LONP1: variants seen among roughly 807,000 people sequenced by gnomAD.
The protein encoded by LONP1 is lon protease homolog, mitochondrial.
Under a neutral mutation model 98.5 loss-of-function variants are expected in LONP1, and 31 were observed. The ratio of observed to expected loss-of-function variants is 0.31; its 90% confidence interval spans 0.24 to 0.42. The LOEUF is 0.42. LONP1 is among the 20% of genes least tolerant of loss of function. LONP1 has a pLI of 1.00. For missense variants in LONP1, 1,336 were observed against 1,350.6 expected (o/e 0.99, Z 0.17); for synonymous variants, 781 against 594.7 (o/e 1.31, Z -4.56).
chr19:5,693,203 C>A, intron 17 of LONP1, 95 bp downstream of exon 17: 4 of 1,473,642 alleles, frequency 2.7e-6, no homozygotes, highest in Non-Finnish European at 3.7e-6. Flanking sequence ...CTTCCCTCTC[C>A]TTGGCCCAGG....
At chr19:5,714,998 C>G (rs2055293070) in intron 1 of LONP1, 1 of 142,706 alleles carries the variant, frequency 7.0e-6, no homozygotes, top group South Asian at 2.2e-4. Flanking sequence ...TGGGGACATG[C>G]TGATCCGCAT....
Position 5,694,479 on chromosome 19 carries a change from T to C in LONP1, c.2228A>G (p.Gln743Arg). 1.9e-6 allele frequency: 3 copies of C among 1,613,418 alleles called. No homozygotes were observed. Among genetic ancestry groups the C allele is most frequent in the South Asian group, 2.2e-5 (2 of 91,080 alleles). ...ESVEVTPENL[Q>R]DFVGKPVFTV... ...GAACACGGGCTTCCCCACGAAGTCC[T>C]GCAGGTTCTCGGGCGTCACCTCCAC... The change falls in exon 15 of 18, where the codon CAG (glutamine) becomes CGG (arginine). Residue 743 changes from glutamine (Q) to arginine (R), a missense_variant. By Grantham distance (43) the Gln-to-Arg change is conservative. Coordinates refer to ENST00000360614, the MANE Select transcript of LONP1 (RefSeq NM_004793.4).
intron 1 of LONP1, chr19:5,717,532 C>T (rs1281118569): frequency 6.6e-6 from 1 of 152,320 alleles, no homozygotes; most frequent in African/African-American, 2.4e-5. Context: ...CATCTCTCTG[C>T]TCAGGCACCG....
Position 5,711,912 on chromosome 19 carries a change from C to T in LONP1, c.729G>A (p.Lys243=). 1 of 1,612,180 alleles carries T rather than the reference C, an allele frequency of 6.2e-7. No individual in the cohort carries two copies. Among genetic ancestry groups the T allele is most frequent in the Non-Finnish European group, 8.5e-7 (1 of 1,179,770 alleles). Residue 243 remains lysine, a synonymous_variant, in exon 4 of 18, where the codon AAG becomes AAA. Transcript: ENST00000360614. ...CGCTCAGCTCGTCCTCCGCCTCCTT[C>T]TTGCCCCGCTTTGACTTCCTGCGGG... ...HKPRRKSKRG[K]KEAEDELSAR... is the part of the protein sequence containing the mutation.
chr19:5,696,428 G>C (rs941937984), intron 11 of LONP1, 57 bp from the exon 12 acceptor site: 7 of 1,590,740 alleles, frequency 4.4e-6, no homozygotes, highest in Non-Finnish European at 6.0e-6. Context: ...AGCCCGCCCA[G>C]TGGGGAGACC....
chr19:5,696,790 G>A lies in LONP1; in HGVS notation c.1686-33C>T, dbSNP rs546406418. The A allele has an allele frequency of 3.3e-6, 5 of 1,509,104 alleles. No homozygotes were observed. In the African/African-American group the frequency reaches 5.5e-5, roughly 17 times the overall value. 93.5% of individuals were successfully genotyped at this position (1,509,104 alleles called of 1,614,324 possible). A position where few individuals can be genotyped will look rare whatever the true frequency, so the allele number is the denominator to read the frequency against. Reference sequence around the variant, plus strand: ...TGCACAGCGGGGTCAGAGGTCACTTGGTAGCCTGGCTCGGCCACAACGACA... The same window carrying A: ...TGCACAGCGGGGTCAGAGGTCACTTAGTAGCCTGGCTCGGCCACAACGACA... On this transcript the variant is annotated intron_variant, in intron 10 of 17. Transcript: ENST00000360614.
chr19:5,707,346 A>T (rs1445370527), intron 6 of LONP1, among the ~76,000 whole-genome samples: 1 of 152,204 alleles, frequency 6.6e-6, no homozygotes, highest in African/African-American at 2.4e-5. Context: ...CAGGCCCTCC[A>T]GCTGCGTGCA....
chr19:5,696,424 C>T, intron 11 of LONP1, 53 bp from the exon 12 acceptor site: 1 of 1,593,020 alleles, frequency 6.3e-7, no homozygotes, highest in African/African-American at 1.3e-5. Context: ...GGCCAGCCCG[C>T]CCAGTGGGGA....
At chr19:5,708,711 T>A in intron 4 of LONP1, 1 of 299,668 alleles carries the variant, frequency 3.3e-6, no homozygotes, top group Non-Finnish European at 6.5e-6. Flanking sequence ...CTTTCCTCCA[T>A]TTTTTAAGAG....
chr19:5,718,664 T>C (rs954956717), intron 1 of LONP1, among the ~76,000 whole-genome samples: 1 of 151,826 alleles, frequency 6.6e-6, no homozygotes, highest in Admixed American at 6.6e-5. Flanking sequence ...AGTTAGGAGA[T>C]AACCTTCCCA....
chr19:5,706,029 G>C, intron 7 of LONP1, 37 bp from the exon 8 acceptor site: 3 of 1,505,356 alleles, frequency 2.0e-6, no homozygotes, highest in South Asian at 2.2e-5. Flanking sequence ...CCCTGGCTCC[G>C]GGAAGCTGGG....
intron 10 of LONP1, among the ~76,000 whole-genome samples, chr19:5,698,412 A>G (rs1401917890): frequency 1.3e-5 from 2 of 152,310 alleles, no homozygotes; most frequent in East Asian, 1.9e-4. Flanking sequence ...CTGTCTACAG[A>G]GGCTGGCGAG....
chr19:5,709,131 C>T (rs2055196477), intron 4 of LONP1, among the ~76,000 whole-genome samples: 1 of 151,522 alleles, frequency 6.6e-6, no homozygotes. Flanking sequence ...CCTCCCCGCT[C>T]ATTTTCCGGA....
intron 8 of LONP1, among the ~76,000 whole-genome samples, chr19:5,704,567 G>C (rs796885429): frequency 3.9e-5 from 6 of 152,328 alleles, no homozygotes; most frequent in African/African-American, 1.4e-4. Flanking sequence ...CTTCTGCCTA[G>C]AAGCTGCCCT....
rs2054902534 is a variant in LONP1, at chr19:5,695,095, T to TGC, written c.2014-196_2014-195dup. Among the ~76,000 whole-genome samples, 8 of 152,132 alleles carry TGC rather than the reference T, an allele frequency of 5.3e-5. No individual in the cohort carries two copies. The South Asian group carries it at 1.7e-3, about 32-fold the overall frequency. ...AGAGGCCCCAGGCCTTTGCTTGTGCTGCGTCCTCTGCTTGGATCCACTTCC... is the reference window on the plus strand; with the variant it reads ...AGAGGCCCCAGGCCTTTGCTTGTGCTGCGCGTCCTCTGCTTGGATCCACTTCC... On this transcript the variant is annotated intron_variant, in intron 13 of 17. Coordinates refer to ENST00000360614, the MANE Select transcript of LONP1 (RefSeq NM_004793.4).
rs1764538334 is a variant in LONP1, at chr19:5,707,987, G to C, written c.933-161C>G. ...CCAGCTCTGCTGCTTGTTCTCCAGA[G>C]TTCAGGGCCCACCCGTCCTGGGCTG... On this transcript the variant is annotated intron_variant, in intron 5 of 17. Coordinates refer to ENST00000360614, the MANE Select transcript of LONP1 (RefSeq NM_004793.4). 7 of 807,164 alleles carry C rather than the reference G, an allele frequency of 8.7e-6. No individual in the cohort carries two copies. In the East Asian group the frequency reaches 1.9e-4, roughly 22 times the overall value. 50.0% of individuals were successfully genotyped at this position (807,164 alleles called of 1,614,324 possible). A position where few individuals can be genotyped will look rare whatever the true frequency, so the allele number is the denominator to read the frequency against.
intron 17 of LONP1, among the ~76,000 whole-genome samples, chr19:5,692,415 T>C (rs1285497337): frequency 2.6e-5 from 4 of 152,224 alleles, no homozygotes; most frequent in Non-Finnish European, 2.9e-5. Flanking sequence ...TCCAACAGCC[T>C]GAGAGCAGGA....
chr19:5,713,778 C>T (rs545250811), intron 2 of LONP1, among the ~76,000 whole-genome samples: 230 of 152,210 alleles, frequency 1.5e-3, no homozygotes, highest in Middle Eastern at 6.8e-3. Flanking sequence ...AGCCAGACTG[C>T]TTTGGAACTC....
At chr19:5,697,387 A>AG (rs1438190779) in intron 10 of LONP1, among the ~76,000 whole-genome samples, 7 of 151,416 alleles carry the variant, frequency 4.6e-5, no homozygotes, top group Non-Finnish European at 8.8e-5. Context: ...GAGCCACGTG[A>AG]GGGTCTGAGA....
Sources: allele counts gnomAD v4.1 joint callset (sites outside exome capture counted in the v4.1 genomes callset), GRCh38; gene constraint gnomAD v4.1.1; transcripts MANE v1.5; gene names NCBI Gene and HGNC (gene_info 2026-07-23, HGNC 2026-07-21).